The following C2orf66 variants were observed in gnomAD, a reference collection of about 807,000 sequenced individuals.
The protein encoded by C2orf66 is uncharacterized protein C2orf66.
A neutral mutation model predicts 7.0 loss-of-function variants in C2orf66; 6 were observed. The observed-to-expected ratio is 0.86, with a 90% CI of 0.47 to 1.69. The LOEUF (loss-of-function observed/expected upper bound fraction) is 1.69. Ranked by LOEUF, C2orf66 falls within the 40% of genes most tolerant of loss-of-function variation. C2orf66 has a pLI of 0.01. For synonymous variants in C2orf66, 38 were observed against 43.8 expected (o/e 0.87, Z 0.52); for missense variants, 107 against 112.0 (o/e 0.96, Z 0.20).
chr2:196,804,574 C>G lies in C2orf66; in HGVS notation c.*854G>C, dbSNP rs1002607378. Among the ~76,000 whole-genome samples, 1 of 152,174 alleles carries G rather than the reference C, an allele frequency of 6.6e-6. No individual in the cohort carries two copies. The highest frequency in any genetic ancestry group is 1.5e-5 in the Non-Finnish European group (1 of 68,018). ...AGGAATCACAGAGAAGATGATGCAG[C>G]TATCTATAAAGATACAGGAAAAGCA... is the stretch of plus-strand genomic sequence containing the variant. On this transcript the variant is annotated 3_prime_UTR_variant, in exon 3 of 3. Transcript: ENST00000342506.
chr2:196,825,373 A>G, the C2orf66 span, among the ~76,000 whole-genome samples: 1 of 152,210 alleles, frequency 6.6e-6, no homozygotes, highest in Non-Finnish European at 1.5e-5. Context: ...AACACCTCAC[A>G]TGTTAGAATG....
At chr2:196,830,442 C>G in the C2orf66 span, among the ~76,000 whole-genome samples, 1 of 152,342 alleles carries the variant, frequency 6.6e-6, no homozygotes, top group Admixed American at 6.5e-5. Flanking sequence ...TCATTCCCCG[C>G]TTCTCCTGTG....
the C2orf66 span, among the ~76,000 whole-genome samples, chr2:196,817,674 A>G: frequency 6.6e-6 from 1 of 152,092 alleles, no homozygotes; most frequent in Non-Finnish European, 1.5e-5. Context: ...ACCAGGGGGT[A>G]TTTCAGTCCT....
the C2orf66 span, among the ~76,000 whole-genome samples, chr2:196,821,981 T>G: frequency 4.9e-5 from 6 of 121,458 alleles, no homozygotes; most frequent in African/African-American, 1.8e-4. Flanking sequence ...CTTGGCACGA[T>G]CTTGTCTCAC....
At chr2:196,821,286 G>A in the C2orf66 span, among the ~76,000 whole-genome samples, 1 of 152,184 alleles carries the variant, frequency 6.6e-6, no homozygotes, top group Non-Finnish European at 1.5e-5. Context: ...TCAAAACTGT[G>A]AGAGAATATA....
the C2orf66 span, among the ~76,000 whole-genome samples, chr2:196,822,720 T>C: frequency 2.0e-5 from 3 of 152,136 alleles, no homozygotes; most frequent in Admixed American, 6.5e-5. Context: ...TCTGTGAAAA[T>C]ACCCCCTTTC....
the C2orf66 span, among the ~76,000 whole-genome samples, chr2:196,822,753 A>G: frequency 6.6e-6 from 1 of 152,176 alleles, no homozygotes; most frequent in Non-Finnish European, 1.5e-5. Flanking sequence ...ATGCTCATTC[A>G]GCTCTTATCT....
In C2orf66 at chr2:196,807,546, T is replaced by C. The variant is rs753929133; in HGVS notation, c.200A>G (p.Asn67Ser). The change falls in exon 2 of 3, where the codon AAT becomes AGT. Residue 67 changes from asparagine to serine, a missense_variant. Physicochemically the swap from Asn to Ser is conservative, Grantham distance 46 (BLOSUM62 1). Transcript: ENST00000342506. ...GAAAGAGAGAGGTCTAGGATTTTCA[T>C]TCGTGGGGAAAGGATTTGGAAATGT... The part of the protein sequence containing the change: ...LGTFPNPFPT[N>S]ENPRPLSFQS... 6.2e-7 allele frequency: 1 copy of C among 1,613,818 alleles called. No homozygotes were observed. Among genetic ancestry groups the C allele is most frequent in the South Asian group, 1.1e-5 (1 of 91,062 alleles).
At chr2:196,811,516 G>A (rs1310651956), upstream of C2orf66, among the ~76,000 whole-genome samples, 1 of 152,150 alleles carries the variant, frequency 6.6e-6, no homozygotes, top group Non-Finnish European at 1.5e-5. Flanking sequence ...GGGGGCTAAG[G>A]AGATGGGAGT....
chr2:196,817,230 C>CTT, the C2orf66 span, among the ~76,000 whole-genome samples: 970 of 111,576 alleles, frequency 8.7e-3, 14 homozygotes, highest in Middle Eastern at 0.014. Flanking sequence ...CAAGTATTGT[C>CTT]TTTTTTTTTT....
chr2:196,821,290 G>C, the C2orf66 span, among the ~76,000 whole-genome samples: 5 of 152,178 alleles, frequency 3.3e-5, no homozygotes, highest in African/African-American at 1.2e-4. Flanking sequence ...AACTGTGAGA[G>C]AATATATTTC....
At chr2:196,823,454 C>T in the C2orf66 span, among the ~76,000 whole-genome samples, 2 of 151,794 alleles carry the variant, frequency 1.3e-5, no homozygotes, top group Non-Finnish European at 2.9e-5. Flanking sequence ...CAAATCCTGC[C>T]TCTGCAAAAA....
chr2:196,825,701 C>G, the C2orf66 span, among the ~76,000 whole-genome samples: 1 of 152,252 alleles, frequency 6.6e-6, no homozygotes, highest in East Asian at 1.9e-4. Context: ...GACAGCACAT[C>G]GGGATGTAGG....
chr2:196,826,162 C>G, the C2orf66 span, among the ~76,000 whole-genome samples: 1 of 152,256 alleles, frequency 6.6e-6, no homozygotes, highest in East Asian at 1.9e-4. Flanking sequence ...ATAATTTAAT[C>G]AGATCTGGTA....
At chr2:196,817,379 C>T in the C2orf66 span, among the ~76,000 whole-genome samples, 4 of 151,942 alleles carry the variant, frequency 2.6e-5, no homozygotes, top group Non-Finnish European at 5.9e-5. Context: ...GGACCACAGG[C>T]GCCTGCCACC....
the C2orf66 span, among the ~76,000 whole-genome samples, chr2:196,822,242 A>C: frequency 6.6e-6 from 1 of 152,092 alleles, no homozygotes; most frequent in Non-Finnish European, 1.5e-5. Context: ...CCTAAGGGGA[A>C]AAAAATTAAC....
the C2orf66 span, among the ~76,000 whole-genome samples, chr2:196,830,368 G>A: frequency 6.6e-6 from 1 of 152,172 alleles, no homozygotes; most frequent in African/African-American, 2.4e-5. Flanking sequence ...CTCAGTGTGA[G>A]AAACATGCTC....
At chr2:196,831,703 C>A in the C2orf66 span, among the ~76,000 whole-genome samples, 10 of 152,230 alleles carry the variant, frequency 6.6e-5, no homozygotes, top group South Asian at 2.1e-3. Flanking sequence ...ACACCTGGGG[C>A]AGTCACAAGA....
chr2:196,810,967 G>A (rs947381867), upstream of C2orf66, among the ~76,000 whole-genome samples: 10 of 152,226 alleles, frequency 6.6e-5, no homozygotes, highest in African/African-American at 2.4e-4. Flanking sequence ...AATAGCGAGT[G>A]CTATGAAAGT....
Sources: gnomAD v4.1 joint callset for allele counts (sites outside exome capture counted in the v4.1 genomes callset) on GRCh38, gnomAD v4.1.1 for gene constraint, MANE v1.5 for transcripts, NCBI Gene and HGNC (gene_info 2026-07-23, HGNC 2026-07-21) for gene names.